Variants in ERC2 observed in about 807,000 individuals in gnomAD.
ERC2 encodes ELKS/RAB6-interacting/CAST family member 2, also known as ERC protein 2.
Under a neutral mutation model 114.8 loss-of-function variants are expected in ERC2, and 42 were observed. The observed-to-expected ratio is 0.37, with a 90% CI of 0.29 to 0.47. The LOEUF is 0.47. Among genes scored for constraint, ERC2 ranks in the 20% least tolerant of loss-of-function variants. The probability of loss-of-function intolerance (pLI) is 0.99; values close to 1 mark genes in which losing one functional copy is unlikely to be tolerated. For missense variants in ERC2, 939 were observed against 1,150.7 expected (o/e 0.82, Z 2.66); for synonymous variants, 454 against 425.5 (o/e 1.07, Z -0.82).
At chr3:55,776,291 G>A (rs1396687701) in intron 14 of ERC2, among the ~76,000 whole-genome samples, 1 of 152,152 alleles carries the variant, frequency 6.6e-6, no homozygotes, top group Non-Finnish European at 1.5e-5. Flanking sequence ...ACACCATGGA[G>A]AGAAGATAAG....
chr3:55,872,655 A>C (rs1036223085), intron 14 of ERC2, among the ~76,000 whole-genome samples: 1 of 152,196 alleles, frequency 6.6e-6, no homozygotes, highest in Non-Finnish European at 1.5e-5. Context: ...CCCAGAGAAA[A>C]GAAAACGGCT....
intron 3 of ERC2, among the ~76,000 whole-genome samples, chr3:56,277,109 G>A (rs1016960524): frequency 1.3e-5 from 2 of 152,162 alleles, no homozygotes; most frequent in African/African-American, 2.4e-5. Context: ...TAGAGTTAAA[G>A]GTTCTCCATA....
chr3:55,935,851 A>G (rs917203676), intron 13 of ERC2, among the ~76,000 whole-genome samples: 3 of 152,176 alleles, frequency 2.0e-5, no homozygotes, highest in Non-Finnish European at 4.4e-5. Context: ...AACTTCAAGG[A>G]GAAATGAAAA....
chr3:55,849,393 C>G (rs576910699), intron 14 of ERC2, among the ~76,000 whole-genome samples: 3 of 152,318 alleles, frequency 2.0e-5, no homozygotes, highest in Non-Finnish European at 4.4e-5. Flanking sequence ...GAAGCATCAT[C>G]TATACCCTGG....
At chr3:56,146,692 C>T (rs953392608) in intron 5 of ERC2, among the ~76,000 whole-genome samples, 13 of 152,100 alleles carry the variant, frequency 8.5e-5, no homozygotes, top group African/African-American at 2.9e-4. Context: ...TTGGTGCTGT[C>T]GCCCCTATTT....
intron 17 of ERC2, among the ~76,000 whole-genome samples, chr3:55,538,896 A>G (rs992781010): frequency 6.6e-6 from 1 of 152,170 alleles, no homozygotes; most frequent in Non-Finnish European, 1.5e-5. Context: ...ATTTCCCCCC[A>G]TTAAATTAAT....
intron 2 of ERC2, among the ~76,000 whole-genome samples, chr3:56,394,245 A>C (rs1410008402): frequency 1.5e-4 from 23 of 152,234 alleles, no homozygotes; most frequent in Admixed American, 1.5e-3. Flanking sequence ...TTTAATGAGA[A>C]TCTCAAACTA....
chr3:55,630,815 G>A (rs1308740083), intron 17 of ERC2, among the ~76,000 whole-genome samples: 1 of 152,168 alleles, frequency 6.6e-6, no homozygotes, highest in African/African-American at 2.4e-5. Flanking sequence ...AAAAATAGGT[G>A]TGCCACTTGA....
At chr3:56,171,170 G>C (rs2082647339) in intron 4 of ERC2, among the ~76,000 whole-genome samples, 1 of 152,136 alleles carries the variant, frequency 6.6e-6, no homozygotes. Context: ...CTAGGCTTAA[G>C]GGTCAGTTCG....
At chr3:55,974,796 G>A (rs771292994) in intron 12 of ERC2, among the ~76,000 whole-genome samples, 11 of 152,164 alleles carry the variant, frequency 7.2e-5, no homozygotes, top group Admixed American at 1.3e-4. Flanking sequence ...TCAAGAGAGG[G>A]CAAAGACTCG....
At chr3:55,979,954 T>A (rs2069943533) in intron 12 of ERC2, among the ~76,000 whole-genome samples, 1 of 149,342 alleles carries the variant, frequency 6.7e-6, no homozygotes, top group Admixed American at 6.6e-5. Context: ...TCTTCTTTTT[T>A]TTTCTTTTTT....
At chr3:56,444,237 C>T (rs143579069) in intron 1 of ERC2, among the ~76,000 whole-genome samples, 2,772 of 151,654 alleles carry the variant, frequency 0.018, 37 homozygotes, top group Middle Eastern at 0.041. Flanking sequence ...TCCCAAAGTG[C>T]TGGGATTACA....
At chr3:56,050,134 T>G (rs1296856192) in intron 7 of ERC2, among the ~76,000 whole-genome samples, 2 of 152,308 alleles carry the variant, frequency 1.3e-5, no homozygotes, top group African/African-American at 4.8e-5. Flanking sequence ...GTGATGGTCA[T>G]GGGACTGTAT....
chr3:56,383,030 T>G (rs989501053), intron 2 of ERC2, among the ~76,000 whole-genome samples: 5 of 152,038 alleles, frequency 3.3e-5, no homozygotes, highest in Non-Finnish European at 2.9e-5. Context: ...TTATGTTTTT[T>G]TTCCCATCCC....
chr3:56,385,383 GC>G (rs1371463774), intron 2 of ERC2, among the ~76,000 whole-genome samples: 2 of 151,982 alleles, frequency 1.3e-5, no homozygotes, highest in African/African-American at 4.8e-5. Flanking sequence ...CTTCCCAAAG[GC>G]CCCATCTCCT....
intron 4 of ERC2, among the ~76,000 whole-genome samples, chr3:56,167,770 T>C (rs901450006): frequency 1.3e-5 from 2 of 152,098 alleles, no homozygotes; most frequent in African/African-American, 4.8e-5. Flanking sequence ...CACCAGGCTG[T>C]TAAAAAAAGA....
At chr3:55,955,605 T>G (rs2067900283) in intron 12 of ERC2, among the ~76,000 whole-genome samples, 1 of 152,256 alleles carries the variant, frequency 6.6e-6, no homozygotes, top group Non-Finnish European at 1.5e-5. Context: ...TATTCCATTA[T>G]ATGAATACAC....
chr3:56,343,192 T>TCTCACACACACACACACACA (rs1376220124), intron 2 of ERC2, among the ~76,000 whole-genome samples: 154 of 126,206 alleles, frequency 1.2e-3, no homozygotes, highest in Admixed American at 3.1e-3. Flanking sequence ...TCTCTCTCTC[T>TCTCACACACACACACACACA]CACACACACA....
intron 17 of ERC2, among the ~76,000 whole-genome samples, chr3:55,617,262 C>T (rs1454093330): frequency 6.6e-6 from 1 of 152,200 alleles, no homozygotes; most frequent in African/African-American, 2.4e-5. Context: ...TTAACTCACA[C>T]CACAGGGGCA....
Sources: gnomAD v4.1 joint callset for allele counts (sites outside exome capture counted in the v4.1 genomes callset) on GRCh38, gnomAD v4.1.1 for gene constraint, MANE v1.5 for transcripts, NCBI Gene and HGNC (gene_info 2026-07-23, HGNC 2026-07-21) for gene names.